Variants in PIWIL3 observed in about 807,000 individuals in gnomAD.
The protein encoded by PIWIL3 is piwi like RNA-mediated gene silencing 3.
PIWIL3 carries 101 observed loss-of-function variants against 109.7 expected under a neutral mutation model. That is an observed-to-expected ratio of 0.92 (90% CI 0.78 to 1.09). The LOEUF (loss-of-function observed/expected upper bound fraction) is 1.09, where lower values mean the gene tolerates loss of function less well. Ranked by LOEUF, PIWIL3 falls within the 50% of genes least tolerant of loss-of-function variation. PIWIL3 has a pLI of 0.00. For synonymous variants in PIWIL3, 373 were observed against 376.4 expected (o/e 0.99, Z 0.10); for missense variants, 1,031 against 1,072.6 (o/e 0.96, Z 0.54).
chr22:24,740,745 C>A (rs1198814719), intron 12 of PIWIL3, among the ~76,000 whole-genome samples: 3 of 151,954 alleles, frequency 2.0e-5, no homozygotes, highest in Non-Finnish European at 4.4e-5. Context: ...AGGCCAATAA[C>A]AAGCAGTGAG....
chr22:24,749,156 C>T, intron 11 of PIWIL3, 135 bp from the exon 12 acceptor site: 1 of 857,510 alleles, frequency 1.2e-6, no homozygotes. Context: ...AGTACCTTCC[C>T]TGAAACTCAG....
At chr22:24,745,640 A>T (rs1033459727) in intron 12 of PIWIL3, among the ~76,000 whole-genome samples, 10 of 152,082 alleles carry the variant, frequency 6.6e-5, no homozygotes, top group Admixed American at 6.5e-4. Context: ...ATTAAAATGA[A>T]GAAAATATAA....
At chr22:24,751,331 C>T in intron 9 of PIWIL3, 56 bp downstream of exon 9, 4 of 1,492,178 alleles carry the variant, frequency 2.7e-6, no homozygotes, top group Non-Finnish European at 3.6e-6. Context: ...ATAACACAAA[C>T]TGAAATACAT....
intron 19 of PIWIL3, among the ~76,000 whole-genome samples, 199 bp downstream of exon 19, chr22:24,722,931 A>G (rs1361752438): frequency 1.3e-5 from 2 of 152,156 alleles, no homozygotes; most frequent in African/African-American, 4.8e-5. Context: ...TGATGAAGAA[A>G]CTTCGACAAC....
At chr22:24,749,356 G>A (rs1294552840) in intron 11 of PIWIL3, 48 bp downstream of exon 11, 1 of 1,598,914 alleles carries the variant, frequency 6.3e-7, no homozygotes, top group African/African-American at 1.3e-5. Context: ...AGCTTCACTG[G>A]GACACCATGC....
intron 13 of PIWIL3, among the ~76,000 whole-genome samples, chr22:24,734,671 C>A (rs1010497958): frequency 1.1e-4 from 16 of 152,040 alleles, no homozygotes; most frequent in Admixed American, 9.2e-4. Context: ...CCTCTAGGAG[C>A]TTGACCAGGT....
chr22:24,772,237 T>G (rs1926174288), intron 1 of PIWIL3, among the ~76,000 whole-genome samples: 1 of 152,224 alleles, frequency 6.6e-6, no homozygotes, highest in African/African-American at 2.4e-5. Context: ...CTTATCAATA[T>G]AAGTATTAAG....
At position 24,748,893 on chromosome 22, in the gene PIWIL3, T is replaced by TG. The variant is rs1165682516; in HGVS notation, c.1449+13dup. Reference sequence around the variant, plus strand: ...TGACCCCACCATGACATGATGATTTTGAAACTGTCTTACCATTCTTCTGCC... The same window carrying TG: ...TGACCCCACCATGACATGATGATTTTGGAAACTGTCTTACCATTCTTCTGCC... On this transcript the variant is annotated intron_variant, in intron 12 of 20. Coordinates refer to ENST00000616349, the MANE Select transcript of PIWIL3 (RefSeq NM_001255975.1). 6 of 1,587,646 alleles carry TG rather than the reference T, an allele frequency of 3.8e-6. 1 individual carries two copies. The African/African-American group carries it at 8.1e-5, about 21-fold the overall frequency.
intron 7 of PIWIL3, among the ~76,000 whole-genome samples, chr22:24,754,549 GCTT>G (rs1196997555): frequency 2.0e-5 from 3 of 152,108 alleles, no homozygotes; most frequent in Non-Finnish European, 4.4e-5. Context: ...GATTGTTTAG[GCTT>G]CTTAATGTGT....
At chr22:24,749,910 A>T in intron 9 of PIWIL3, 91 bp from the exon 10 acceptor site, 1 of 1,563,358 alleles carries the variant, frequency 6.4e-7, no homozygotes, top group Non-Finnish European at 8.8e-7. Context: ...TGGGACTACA[A>T]ATGAAGGGCC....
At position 24,767,104 on chromosome 22, in the gene PIWIL3, G is replaced by A. The variant is rs1210276096; in HGVS notation, c.-22-4583C>T. On this transcript the variant is annotated intron_variant, in intron 1 of 20. Coordinates refer to ENST00000616349, the MANE Select transcript of PIWIL3 (RefSeq NM_001255975.1). ...TGCAGTGGACTATGATCATACCACT[G>A]CACTCCAGCCCGGGTGACAGAGTGA... 5.9e-5 allele frequency among the ~76,000 whole-genome samples: 9 copies of A among 152,196 alleles called. No individual in the cohort carries two copies. The East Asian group carries it at 1.5e-3, about 26-fold the overall frequency.
rs1463294568 is a variant in PIWIL3 at position 24,719,820 on chromosome 22, G to A, written c.2433C>T (p.Asp811=). 1.9e-6 allele frequency: 3 copies of A among 1,610,866 alleles called. No individual in the cohort carries two copies. Among genetic ancestry groups the A allele is most frequent in the Non-Finnish European group, 2.5e-6 (3 of 1,177,072 alleles). ...VTPTHYNVIY[D]TIGLSPDTVQ... ...CTGTATCTGGGCTCAAGCCAATCGT[G>A]TCATAGATGACGTTATAATGAGTGG... The change falls in exon 20 of 21, where the codon GAC becomes GAT. Residue 811 remains aspartate, a synonymous_variant. Coordinates refer to ENST00000616349, the MANE Select transcript of PIWIL3 (RefSeq NM_001255975.1).
Position 24,762,402 on chromosome 22 carries a change from G to T in PIWIL3, c.98C>A (p.Ala33Asp). The T allele has an allele frequency of 6.2e-7, 1 of 1,613,230 alleles. No homozygotes were observed. Among genetic ancestry groups the T allele is most frequent in the Non-Finnish European group, 8.5e-7 (1 of 1,179,622 alleles). Residue 33 changes from alanine to aspartate, a missense_variant, in exon 2 of 21, where the codon GCT (alanine) becomes GAT (aspartate). Transcript: ENST00000616349. ...APGGPRAPGS[A>D]TTQEPPQLQS... ...AAACAACGTTACAGGGCTCACTGTA[G>T]CTGATCCAGGTGCTCTGGGTCCCCC...
chr22:24,734,445 A>C (rs181803736), intron 13 of PIWIL3, among the ~76,000 whole-genome samples: 70 of 152,344 alleles, frequency 4.6e-4, no homozygotes, highest in African/African-American at 1.7e-3. Flanking sequence ...AGGGCAAATC[A>C]CTGCCTCCAA....
chr22:24,758,027 G>A lies in PIWIL3; in HGVS notation c.236C>T (p.Pro79Leu). Reference protein sequence around the residue: ...GGAQSQGVKEPGPEAGLHTAP... With the variant: ...GGAQSQGVKELGPEAGLHTAP... ...TGTATGCAACCCAGCCTCAGGTCCA[G>A]GTTCCTTCACCCCTGCATAAATGTA... The change falls in exon 4 of 21, where the codon CCT becomes CTT. Residue 79 changes from proline to leucine, a missense_variant. Transcript: ENST00000616349. 6.2e-7 allele frequency: 1 copy of A among 1,611,562 alleles called. No homozygotes were observed. The highest frequency in any genetic ancestry group is 8.5e-7 in the Non-Finnish European group (1 of 1,179,318).
intron 12 of PIWIL3, among the ~76,000 whole-genome samples, chr22:24,740,547 CA>C (rs528700128): frequency 1.1e-3 from 127 of 112,424 alleles, no homozygotes; most frequent in Middle Eastern, 4.9e-3. Flanking sequence ...GACTCCATCT[CA>C]AAAAAAAAAA....
At chr22:24,742,952 C>A (rs970462622) in intron 12 of PIWIL3, among the ~76,000 whole-genome samples, 3 of 152,114 alleles carry the variant, frequency 2.0e-5, no homozygotes, top group Non-Finnish European at 2.9e-5. Flanking sequence ...AGCAAACAGA[C>A]AACTCACAGA....
intron 19 of PIWIL3, among the ~76,000 whole-genome samples, chr22:24,722,372 G>A (rs1415161071): frequency 2.0e-5 from 3 of 150,842 alleles, no homozygotes; most frequent in African/African-American, 4.9e-5. Flanking sequence ...GTGAGCCACC[G>A]TGCCCAGCCC....
intron 12 of PIWIL3, among the ~76,000 whole-genome samples, chr22:24,743,281 C>T (rs542688536): frequency 1.3e-5 from 2 of 152,084 alleles, no homozygotes; most frequent in African/African-American, 4.8e-5. Context: ...CTCTGGAAAA[C>T]AGTGTAGAGA....
Sources: gnomAD v4.1 joint callset for allele counts (sites outside exome capture counted in the v4.1 genomes callset) on GRCh38, gnomAD v4.1.1 for gene constraint, MANE v1.5 for transcripts, NCBI Gene and HGNC (gene_info 2026-07-23, HGNC 2026-07-21) for gene names.